The following MRPL1 variants were observed in gnomAD, a reference collection of about 807,000 sequenced individuals.
MRPL1 encodes the protein large ribosomal subunit protein uL1m.
Under a neutral mutation model 38.0 loss-of-function variants are expected in MRPL1, and 28 were observed. That is an observed-to-expected ratio of 0.74 (90% CI 0.55 to 1.01). The LOEUF (loss-of-function observed/expected upper bound fraction) is 1.01. Among genes scored for constraint, MRPL1 ranks in the 50% least tolerant of loss-of-function variants. The probability of loss-of-function intolerance (pLI) is 0.00; values close to 1 mark genes in which losing one functional copy is unlikely to be tolerated. For synonymous variants in MRPL1, 123 were observed against 126.7 expected (o/e 0.97, Z 0.20); for missense variants, 358 against 389.8 (o/e 0.92, Z 0.69).
intron 6 of MRPL1, among the ~76,000 whole-genome samples, chr4:77,899,047 G>A (rs990939660): frequency 1.4e-5 from 2 of 146,196 alleles, no homozygotes; most frequent in Non-Finnish European, 3.0e-5. Flanking sequence ...AGGCTGGAGT[G>A]CAGAGACATG....
chr4:77,897,022 C>T (rs928464553), intron 6 of MRPL1, among the ~76,000 whole-genome samples: 2 of 151,862 alleles, frequency 1.3e-5, no homozygotes, highest in South Asian at 4.1e-4. Flanking sequence ...ATTTCTAATC[C>T]TATTTATAAA....
chr4:77,906,994 C>T, intron 6 of MRPL1: 1 of 985,226 alleles, frequency 1.0e-6, no homozygotes, highest in Non-Finnish European at 1.2e-6. Flanking sequence ...CTGTAGTGCT[C>T]CTGAGCCAAC....
At chr4:77,904,363 G>A (rs184239444) in intron 6 of MRPL1, among the ~76,000 whole-genome samples, 1 of 152,158 alleles carries the variant, frequency 6.6e-6, no homozygotes, top group Non-Finnish European at 1.5e-5. Flanking sequence ...AGACCAGCAT[G>A]ACCAACATGG....
chr4:77,880,512 T>G (rs950909058), intron 2 of MRPL1, among the ~76,000 whole-genome samples: 1 of 140,092 alleles, frequency 7.1e-6, no homozygotes, highest in Non-Finnish European at 1.5e-5. Context: ...TTTTTTTTTT[T>G]GCCATGTAAG....
chr4:77,946,975 C>A (rs1312567849), intron 7 of MRPL1, among the ~76,000 whole-genome samples: 1 of 151,260 alleles, frequency 6.6e-6, no homozygotes, highest in African/African-American at 2.4e-5. Context: ...TATATTTTGC[C>A]CTGAGATGAA....
intron 7 of MRPL1, among the ~76,000 whole-genome samples, chr4:77,910,645 GGCCTCAAA>G (rs1272508028): frequency 7.9e-5 from 12 of 152,150 alleles, no homozygotes; most frequent in African/African-American, 2.9e-4. Context: ...TGCCCAGGCT[GGCCTCAAA>G]CTCCTATGCT....
chr4:77,883,561 CTTTAT>C lies in MRPL1; in HGVS notation c.402+73_402+77del, dbSNP rs1326765189. On this transcript the variant is annotated intron_variant, in intron 3 of 8. Coordinates refer to ENST00000315567, the MANE Select transcript of MRPL1 (RefSeq NM_020236.4). ...ACAGTGGCTGTATGAATTGGTGTTT[CTTTAT>C]TTTATTTTATTGTTATTATTATTTT... 5 of 1,420,412 alleles carry C rather than the reference CTTTAT, an allele frequency of 3.5e-6. No homozygotes were observed. In the African/African-American group the frequency reaches 5.8e-5, roughly 16 times the overall value. The allele number at this position is 1,420,412 out of a possible 1,614,324, so 88.0% of individuals were successfully genotyped here.
At chr4:77,917,497 T>C (rs1313038436) in intron 7 of MRPL1, among the ~76,000 whole-genome samples, 1 of 152,192 alleles carries the variant, frequency 6.6e-6, no homozygotes, top group African/African-American at 2.4e-5. Context: ...TATCCTTATT[T>C]TTTGACTTTT....
At chr4:77,874,782 CTTT>C (rs59185212) in intron 2 of MRPL1, among the ~76,000 whole-genome samples, 3 of 131,090 alleles carry the variant, frequency 2.3e-5, no homozygotes, top group Admixed American at 7.6e-5. Flanking sequence ...ATTTTCTTTT[CTTT>C]TTTTTTTTTT....
chr4:77,923,392 G>A (rs971966935), intron 7 of MRPL1, among the ~76,000 whole-genome samples: 2 of 151,960 alleles, frequency 1.3e-5, no homozygotes. Flanking sequence ...CACTGTGCCC[G>A]ACCCTGGTTT....
chr4:77,949,732 T>G, intron 7 of MRPL1, 65 bp from the exon 8 acceptor site: 1 of 1,148,456 alleles, frequency 8.7e-7, no homozygotes, highest in Non-Finnish European at 1.3e-6. Context: ...TGAAAAATAG[T>G]CTAGAATAAT....
At chr4:77,877,609 T>TTTA (rs1553904274) in intron 2 of MRPL1, among the ~76,000 whole-genome samples, 1 of 149,308 alleles carries the variant, frequency 6.7e-6, no homozygotes, top group Admixed American at 6.7e-5. Context: ...TTTTTTTTTT[T>TTTA]AAATAAATGC....
At chr4:77,899,897 A>G (rs1463553758) in intron 6 of MRPL1, among the ~76,000 whole-genome samples, 1 of 152,244 alleles carries the variant, frequency 6.6e-6, no homozygotes, top group Non-Finnish European at 1.5e-5. Context: ...GTGATGATTT[A>G]ACATTTGCCT....
intron 6 of MRPL1, among the ~76,000 whole-genome samples, chr4:77,902,758 A>G (rs1469300268): frequency 6.6e-6 from 1 of 152,248 alleles, no homozygotes; most frequent in African/African-American, 2.4e-5. Flanking sequence ...GTGACAATTT[A>G]CATAAAATGA....
chr4:77,910,453 G>A (rs997517499), intron 7 of MRPL1, among the ~76,000 whole-genome samples: 7 of 152,118 alleles, frequency 4.6e-5, no homozygotes, highest in African/African-American at 1.7e-4. Context: ...CCTAGGCAAC[G>A]TGGTGAAACC....
intron 3 of MRPL1, among the ~76,000 whole-genome samples, chr4:77,884,747 C>T (rs561717477): frequency 6.6e-6 from 1 of 152,166 alleles, no homozygotes; most frequent in Non-Finnish European, 1.5e-5. Flanking sequence ...CTGGGCAGAT[C>T]AGCTGGATAT....
In MRPL1 at chr4:77,897,713, G is replaced by A. The variant is rs572468350; in HGVS notation, c.670+3463G>A. On this transcript the variant is annotated intron_variant, in intron 6 of 8. Transcript: ENST00000315567. The stretch of plus-strand genomic sequence containing the variant: ...TCATGGATATTAAAGTTCTTGTAAT[G>A]TGTAGCATTTTTAACTCATAGAATA... Among the ~76,000 whole-genome samples, 119 of 152,320 alleles carry A rather than the reference G, an allele frequency of 7.8e-4. 1 individual carries two copies. Among genetic ancestry groups the A allele is most frequent in the Middle Eastern group, 3.4e-3 (1 of 294 alleles).
intron 6 of MRPL1, among the ~76,000 whole-genome samples, chr4:77,898,989 ATTTT>A (rs745761741): frequency 4.7e-4 from 45 of 95,080 alleles, no homozygotes; most frequent in African/African-American, 1.9e-3. Context: ...TTATGCACAG[ATTTT>A]TTTTTTTTTT....
intron 1 of MRPL1, among the ~76,000 whole-genome samples, chr4:77,867,858 G>A (rs1735185160): frequency 7.0e-6 from 1 of 142,380 alleles, no homozygotes; most frequent in Non-Finnish European, 1.5e-5. Flanking sequence ...CCGGGTTCAC[G>A]CCGTTCTCCT....
Sources: gnomAD v4.1 joint callset for allele counts (sites outside exome capture counted in the v4.1 genomes callset) on GRCh38, gnomAD v4.1.1 for gene constraint, MANE v1.5 for transcripts, NCBI Gene and HGNC (gene_info 2026-07-23, HGNC 2026-07-21) for gene names.